Variants in FSD2 observed in about 807,000 individuals in gnomAD.
FSD2 encodes fibronectin type III and SPRY domain-containing protein 2.
Under a neutral mutation model 80.4 loss-of-function variants are expected in FSD2, and 71 were observed. The observed-to-expected ratio is 0.88, with a 90% CI of 0.73 to 1.08. FSD2 has a LOEUF of 1.08. Among genes scored for constraint, FSD2 ranks in the 50% least tolerant of loss-of-function variants. The probability of loss-of-function intolerance (pLI) is 0.00; values close to 1 mark genes in which losing one functional copy is unlikely to be tolerated. For missense variants in FSD2, 923 were observed against 913.8 expected, an observed-to-expected ratio of 1.01 and a Z score of -0.13; for synonymous variants, 361 against 329.5, an observed-to-expected ratio of 1.10 and a Z score of -1.03.
At position 82,772,109 on chromosome 15, in the gene FSD2, G is replaced by T. The variant is rs1567304380; in HGVS notation, c.1231C>A (p.Pro411Thr). 6.2e-7 allele frequency: 1 copy of T among 1,603,934 alleles called. No homozygotes were observed. Among genetic ancestry groups the T allele is most frequent in the Admixed American group, 1.7e-5 (1 of 58,188 alleles). ...GTCCCAGGTGAGCTGTCCTGCACTG[G>T]CCGGTAGGACAGCTGATAGCTCTCC... ...TVESYQLSYR[P>T]VQDSSPGTDQ... is the part of the protein sequence containing the mutation. Residue 411 changes from proline (P) to threonine (T), a missense_variant, in exon 7 of 13, where the codon CCA (proline) becomes ACA (threonine). Physicochemically the swap from Pro to Thr is conservative, Grantham distance 38 (BLOSUM62 -1). Transcript: ENST00000334574.
rs554362127 is a variant in FSD2 at position 82,794,868 on chromosome 15, G to C, written c.-78-7400C>G. Among the ~76,000 whole-genome samples the C allele has an allele frequency of 4.6e-5, 7 of 152,120 alleles. No homozygotes were observed. The South Asian group carries it at 1.5e-3, about 32-fold the overall frequency. ...GCCTCCCGAGTAGCTGGGACTACAG[G>C]CGCCCGCCACCACGCCTGGCTAATT... On this transcript the variant is annotated intron_variant, in intron 1 of 12. Transcript: ENST00000334574.
intron 6 of FSD2, among the ~76,000 whole-genome samples, chr15:82,772,496 G>T (rs376572289): frequency 4.6e-5 from 7 of 152,342 alleles, no homozygotes; most frequent in African/African-American, 1.7e-4. Flanking sequence ...GGCATAGATT[G>T]CGAGTCCTGC....
intron 6 of FSD2, among the ~76,000 whole-genome samples, chr15:82,773,996 G>A (rs1035633963): frequency 6.6e-6 from 1 of 152,212 alleles, no homozygotes; most frequent in African/African-American, 2.4e-5. Context: ...TTCAGTGTTG[G>A]TGAGAAGGGG....
intron 7 of FSD2, 71 bp from the exon 8 acceptor site, chr15:82,769,955 C>T (rs1596234934): frequency 1.3e-6 from 2 of 1,570,232 alleles, no homozygotes; most frequent in East Asian, 2.2e-5. Context: ...TATGCCGAAT[C>T]CCACAGTAGT....
intron 1 of FSD2, chr15:82,796,486 T>C (rs2050274521): frequency 6.5e-6 from 1 of 153,788 alleles, no homozygotes; most frequent in South Asian, 2.1e-4. Flanking sequence ...CAACGGAAAG[T>C]GGTCACCAGG....
In FSD2 at chr15:82,782,953, A is replaced by AT; in HGVS notation, c.807dup (p.Tyr270IlefsTer2). Reference sequence around the variant, plus strand: ...CCTAGAGCTTGTATTTTTTCCTCATATTTTTGAGCAAGTGTTTCCAAGATC... The same window carrying AT: ...CCTAGAGCTTGTATTTTTTCCTCATATTTTTTGAGCAAGTGTTTCCAAGATC... On this transcript the variant is annotated frameshift_variant, in exon 4 of 13. Transcript: ENST00000334574. LOFTEE classifies it high-confidence loss of function. The AT allele has an allele frequency of 6.2e-7, 1 of 1,613,388 alleles. No individual in the cohort carries two copies. Among genetic ancestry groups the AT allele is most frequent in the Non-Finnish European group, 8.5e-7 (1 of 1,179,792 alleles).
chr15:82,785,194 G>A (rs1003186423), intron 3 of FSD2, among the ~76,000 whole-genome samples: 1 of 152,170 alleles, frequency 6.6e-6, no homozygotes, highest in African/African-American at 2.4e-5. Context: ...GATTGGGAGG[G>A]AGAGGGGCTG....
At chr15:82,766,068 TA>T in intron 9 of FSD2, 37 bp from the exon 10 acceptor site, 1 of 1,532,678 alleles carries the variant, frequency 6.5e-7, no homozygotes, top group Non-Finnish European at 8.8e-7. Context: ...AGAATGGGGC[TA>T]GGACACCCAG....
chr15:82,795,439 A>T (rs2050241235), intron 1 of FSD2, among the ~76,000 whole-genome samples: 1 of 152,198 alleles, frequency 6.6e-6, no homozygotes, highest in Admixed American at 6.5e-5. Flanking sequence ...TTCTAGTAGG[A>T]TAATAAATCA....
rs577098439 is a variant in FSD2 at position 82,795,801 on chromosome 15, C to T, written c.-78-8333G>A. Among the ~76,000 whole-genome samples the T allele has an allele frequency of 2.3e-4, 34 of 150,560 alleles. No individual in the cohort carries two copies. The East Asian group carries it at 6.7e-3, about 30-fold the overall frequency. On this transcript the variant is annotated intron_variant, in intron 1 of 12. Transcript: ENST00000334574. Reference sequence around the variant, plus strand: ...GAGCTGAGATTGCACTCCTTCACCTCAGCCTGGGTGATGGAGCGAGACTCC... The same window carrying T: ...GAGCTGAGATTGCACTCCTTCACCTTAGCCTGGGTGATGGAGCGAGACTCC...
intron 1 of FSD2, among the ~76,000 whole-genome samples, chr15:82,804,686 C>T (rs1179895611): frequency 6.6e-6 from 1 of 152,172 alleles, no homozygotes; most frequent in Non-Finnish European, 1.5e-5. Flanking sequence ...TTATTTCAAC[C>T]AGAAGCTGGA....
rs545233502 is a variant in FSD2 at position 82,765,204 on chromosome 15, G to C, written c.1782C>G (p.Pro594=). The C allele has an allele frequency of 1.2e-6, 2 of 1,607,210 alleles. No homozygotes were observed. Among genetic ancestry groups the C allele is most frequent in the Non-Finnish European group, 1.7e-6 (2 of 1,176,304 alleles). The change falls in exon 11 of 13, where the codon CCC becomes CCG. Residue 594 remains proline, a synonymous_variant. Coordinates refer to ENST00000334574, the MANE Select transcript of FSD2 (RefSeq NM_001007122.4). ...LTAVRSERRT[P]ARELSPSDTH... is the part of the protein sequence containing the mutation. The stretch of plus-strand genomic sequence containing the variant: ...TGTCGCTGGGTGACAGCTCCCTGGC[G>C]GGGGTTCTCCTTTCACTTCGTACAG...
At chr15:82,796,970 C>A (rs1242656130) in intron 1 of FSD2, among the ~76,000 whole-genome samples, 1 of 149,808 alleles carries the variant, frequency 6.7e-6, no homozygotes, top group East Asian at 2.0e-4. Context: ...CTATACCTCT[C>A]ACTTATCCTG....
intron 1 of FSD2, among the ~76,000 whole-genome samples, chr15:82,797,804 C>T (rs2050313778): frequency 6.6e-6 from 1 of 151,610 alleles, no homozygotes; most frequent in Admixed American, 6.6e-5. Flanking sequence ...AGCGAGACTC[C>T]ATCTCAAAAA....
chr15:82,780,357 T>G, intron 4 of FSD2, 90 bp from the exon 5 acceptor site: 1 of 951,370 alleles, frequency 1.1e-6, no homozygotes, highest in Non-Finnish European at 1.5e-6. Flanking sequence ...TTTTCTTAAA[T>G]GGAGTCTCAC....
chr15:82,776,092 C>T (rs1301675001), intron 6 of FSD2, among the ~76,000 whole-genome samples: 1 of 152,114 alleles, frequency 6.6e-6, no homozygotes, highest in Non-Finnish European at 1.5e-5. Flanking sequence ...CAAGAACAGC[C>T]TGGGCAACAT....
chr15:82,791,049 AG>A (rs1303768751), intron 1 of FSD2, among the ~76,000 whole-genome samples: 1 of 151,490 alleles, frequency 6.6e-6, no homozygotes, highest in Non-Finnish European at 1.5e-5. Flanking sequence ...CCCAGGCTGG[AG>A]TGCAGTGGCG....
At chr15:82,795,346 T>C (rs2050239354) in intron 1 of FSD2, among the ~76,000 whole-genome samples, 1 of 152,142 alleles carries the variant, frequency 6.6e-6, no homozygotes, top group Non-Finnish European at 1.5e-5. Context: ...TATAACAAAA[T>C]GGCATTTCCT....
chr15:82,763,189 A>G (rs981518477), intron 11 of FSD2, among the ~76,000 whole-genome samples: 1 of 152,220 alleles, frequency 6.6e-6, no homozygotes. Context: ...AAAAAGTCAT[A>G]TTCCCACCCC....
Sources: gnomAD v4.1 joint callset for allele counts (sites outside exome capture counted in the v4.1 genomes callset) on GRCh38, gnomAD v4.1.1 for gene constraint, MANE v1.5 for transcripts, NCBI Gene and HGNC (gene_info 2026-07-23, HGNC 2026-07-21) for gene names.